Variants in KMT5A observed in about 807,000 individuals in gnomAD.
The protein encoded by KMT5A is lysine methyltransferase 5A, also known as N-lysine methyltransferase KMT5A.
A neutral mutation model predicts 40.6 loss-of-function variants in KMT5A; 6 were observed. The observed-to-expected ratio is 0.15, with a 90% CI of 0.08 to 0.29. KMT5A has a LOEUF of 0.29. Ranked by LOEUF, KMT5A falls within the 10% of genes least tolerant of loss-of-function variation. The pLI, the probability that KMT5A is intolerant of heterozygous loss-of-function variation, is 1.00. For synonymous variants in KMT5A, 153 were observed against 178.8 expected, an observed-to-expected ratio of 0.86 and a Z score of 1.15; for missense variants, 308 against 459.1, an observed-to-expected ratio of 0.67 and a Z score of 3.01.
intron 5 of KMT5A, among the ~76,000 whole-genome samples, chr12:123,396,814 T>C (rs1208893271): frequency 2.6e-5 from 4 of 152,158 alleles, no homozygotes; most frequent in Admixed American, 2.6e-4. Flanking sequence ...TTTCTGGAAG[T>C]TTCCATGTTG....
chr12:123,386,210 ATTTTT>A (rs59509232), intron 1 of KMT5A, among the ~76,000 whole-genome samples: 1 of 79,830 alleles, frequency 1.3e-5, no homozygotes, highest in Non-Finnish European at 2.5e-5. Flanking sequence ...TTAGATTTAG[ATTTTT>A]TTTTTTTTTT....
chr12:123,395,009 A>G (rs766025793), intron 3 of KMT5A, 38 bp from the exon 4 acceptor site: 2 of 1,501,044 alleles, frequency 1.3e-6, no homozygotes, highest in Non-Finnish European at 1.8e-6. Flanking sequence ...GAGAGACAGT[A>G]CAGAATAAAC....
At chr12:123,402,140 C>G in intron 5 of KMT5A, among the ~76,000 whole-genome samples, 1 of 152,212 alleles carries the variant, frequency 6.6e-6, no homozygotes, top group East Asian at 1.9e-4. Flanking sequence ...CCTGGCTTTC[C>G]TGAAGTGTTG....
chr12:123,392,543 A>G (rs1199819871), intron 3 of KMT5A, among the ~76,000 whole-genome samples: 1 of 152,156 alleles, frequency 6.6e-6, no homozygotes, highest in Non-Finnish European at 1.5e-5. Flanking sequence ...ATGCATCTGT[A>G]GTCCCAGCTG....
Position 123,406,309 on chromosome 12 carries a change from TTTTTA to T in KMT5A, c.849-1169_849-1165del, listed in dbSNP as rs201328891. Among the ~76,000 whole-genome samples, 846 of 152,214 alleles carry T rather than the reference TTTTTA, an allele frequency of 5.6e-3. 4 individuals carry two copies. Among genetic ancestry groups the T allele is most frequent in the African/African-American group, 0.019 (781 of 41,530 alleles). On this transcript the variant is annotated intron_variant, in intron 7 of 7. Transcript: ENST00000402868. The stretch of plus-strand genomic sequence containing the variant: ...GGACCAGTGGAGTTGAATTTTTTAT[TTTTTA>T]TTTTATTTTATTTTTTTGAGATGGA...
intron 3 of KMT5A, 151 bp downstream of exon 3, chr12:123,390,937 T>C (rs924722143): frequency 2.8e-5 from 26 of 923,134 alleles, no homozygotes; most frequent in Non-Finnish European, 3.9e-5. Context: ...GCTGAAAGAA[T>C]GGCTTGTCCC....
At chr12:123,404,248 T>A (rs1341471126) in intron 6 of KMT5A, among the ~76,000 whole-genome samples, 2 of 152,200 alleles carry the variant, frequency 1.3e-5, no homozygotes, top group Non-Finnish European at 2.9e-5. Context: ...AGAAGTACTC[T>A]CTACAGTGGG....
intron 3 of KMT5A, among the ~76,000 whole-genome samples, chr12:123,392,306 C>T (rs1877372985): frequency 6.6e-6 from 1 of 152,106 alleles, no homozygotes; most frequent in Admixed American, 6.6e-5. Flanking sequence ...CAAATGGTGG[C>T]CTGGTATACA....
intron 5 of KMT5A, among the ~76,000 whole-genome samples, chr12:123,401,144 C>CTTTTTTTTTTTTTTTT (rs58431238): frequency 1.3e-5 from 1 of 75,678 alleles, no homozygotes; most frequent in Non-Finnish European, 2.3e-5. Flanking sequence ...ATATATCTTT[C>CTTTTTTTTTTTTTTTT]TTTTTTTTTT....
intron 7 of KMT5A, 25 bp from the exon 8 acceptor site, chr12:123,407,468 C>T: frequency 6.2e-7 from 1 of 1,611,298 alleles, no homozygotes; most frequent in Non-Finnish European, 8.5e-7. Flanking sequence ...CCATTTAATC[C>T]TCTCTGGCCC....
In KMT5A at chr12:123,409,119, A is replaced by G. The variant is rs1303521348; in HGVS notation, c.*1416A>G. On this transcript the variant is annotated 3_prime_UTR_variant, in exon 8 of 8. Transcript: ENST00000402868. ...TGTCCTCGTCTTTGATTCCCCCCCA[A>G]CCCCACCTCGGGCCTCACGACGGTG... 1.4e-5 allele frequency: 2 copies of G among 147,882 alleles called. No homozygotes were observed. The highest frequency in any genetic ancestry group is 2.1e-4 in the East Asian group (1 of 4,716). The allele number at this position is 147,882 out of a possible 1,614,324, so 9.2% of individuals were successfully genotyped here.
At chr12:123,393,037 C>T (rs1048374869) in intron 3 of KMT5A, among the ~76,000 whole-genome samples, 1 of 152,042 alleles carries the variant, frequency 6.6e-6, no homozygotes. Flanking sequence ...CCACCACGCT[C>T]GGCTAATTTT....
chr12:123,399,975 C>G (rs745863954), intron 5 of KMT5A, among the ~76,000 whole-genome samples: 4 of 152,112 alleles, frequency 2.6e-5, no homozygotes, highest in African/African-American at 4.8e-5. Context: ...AGGCGCCCAC[C>G]ACCATGCCCA....
At chr12:123,405,155 TGTTTG>T in intron 7 of KMT5A, 81 bp downstream of exon 7, 2 of 1,358,490 alleles carry the variant, frequency 1.5e-6, no homozygotes, top group Non-Finnish European at 2.0e-6. Context: ...CTCCTGATTC[TGTTTG>T]GTGGCCAGTC....
At chr12:123,397,159 A>G (rs1044699736) in intron 5 of KMT5A, among the ~76,000 whole-genome samples, 1 of 152,266 alleles carries the variant, frequency 6.6e-6, no homozygotes, top group Non-Finnish European at 1.5e-5. Context: ...CAGCTGGCCT[A>G]TGCGGGCCTC....
At position 123,408,090 on chromosome 12, in the gene KMT5A, C is replaced by T. The variant is rs1878694190; in HGVS notation, c.*387C>T. On this transcript the variant is annotated 3_prime_UTR_variant, in exon 8 of 8. Transcript: ENST00000402868. ...TGGAAGAGCCGGGACCTTCCCCCTG[C>T]ACCCCCGACATCCAGGGACGGGGTG... 4.8e-6 allele frequency: 1 copy of T among 208,684 alleles called. No individual in the cohort carries two copies. The highest frequency in any genetic ancestry group is 7.3e-5 in the South Asian group (1 of 13,760). 12.9% of individuals were successfully genotyped at this position (208,684 alleles called of 1,614,324 possible).
Position 123,408,401 on chromosome 12 carries a change from C to T in KMT5A, c.*698C>T, listed in dbSNP as rs1196954309. ...GGCAGGGAGAGGGTTGCTTACCTGC[C>T]CTGCTGGGGCAGGGTTTCCTGAAAC... On this transcript the variant is annotated 3_prime_UTR_variant, in exon 8 of 8. Transcript: ENST00000402868. 1 of 151,760 alleles carries T rather than the reference C, an allele frequency of 6.6e-6. No individual in the cohort carries two copies. The highest frequency in any genetic ancestry group is 2.4e-5 in the African/African-American group (1 of 41,194). 9.4% of individuals were successfully genotyped at this position (151,760 alleles called of 1,614,324 possible).
rs1194823167 is a variant in KMT5A at position 123,403,104 on chromosome 12, C to A, written c.598-469C>A. ...TATCTTTAATAGAGACAGGGTTTTA[C>A]CTATTTGCCAGGCTGGTCTCGAACT... On this transcript the variant is annotated intron_variant, in intron 5 of 7. Coordinates refer to ENST00000402868, the MANE Select transcript of KMT5A (RefSeq NM_020382.7). 1.2e-4 allele frequency among the ~76,000 whole-genome samples: 18 copies of A among 152,292 alleles called. No individual in the cohort carries two copies. In the South Asian group the frequency reaches 2.5e-3, roughly 21 times the overall value.
chr12:123,401,451 C>A (rs975378395), intron 5 of KMT5A, among the ~76,000 whole-genome samples: 3 of 151,536 alleles, frequency 2.0e-5, no homozygotes, highest in Admixed American at 1.3e-4. Context: ...TTTTTTTTAA[C>A]CTTCTTGACC....
Sources: allele counts gnomAD v4.1 joint callset (sites outside exome capture counted in the v4.1 genomes callset), GRCh38; gene constraint gnomAD v4.1.1; transcripts MANE v1.5; gene names NCBI Gene and HGNC (gene_info 2026-07-23, HGNC 2026-07-21).